RALGAPA2: variants seen among roughly 807,000 people sequenced by gnomAD.
RALGAPA2 encodes ral GTPase-activating protein subunit alpha-2.
RALGAPA2 carries 139 observed loss-of-function variants against 230.4 expected under a neutral mutation model. That is an observed-to-expected ratio of 0.60 (90% CI 0.53 to 0.69). The LOEUF is 0.69. Ranked by LOEUF, RALGAPA2 falls within the 30% of genes least tolerant of loss-of-function variation. RALGAPA2 has a pLI of 0.00. For synonymous variants in RALGAPA2, 847 were observed against 837.8 expected, an observed-to-expected ratio of 1.01 and a Z score of -0.19; for missense variants, 2,163 against 2,276.0, an observed-to-expected ratio of 0.95 and a Z score of 1.01.
At chr20:20,624,818 C>G (rs1235874901) in intron 10 of RALGAPA2, among the ~76,000 whole-genome samples, 1 of 152,162 alleles carries the variant, frequency 6.6e-6, no homozygotes, top group Non-Finnish European at 1.5e-5. Context: ...AATTCCTTCA[C>G]TTTTCCTTTA....
At chr20:20,476,904 A>G (rs1451112757) in intron 36 of RALGAPA2, among the ~76,000 whole-genome samples, 3 of 152,186 alleles carry the variant, frequency 2.0e-5, no homozygotes, top group Admixed American at 2.0e-4. Context: ...TGAACAAACC[A>G]CAACTACATG....
chr20:20,524,374 C>G, intron 30 of RALGAPA2, 32 bp downstream of exon 30: 1 of 1,612,964 alleles, frequency 6.2e-7, no homozygotes, highest in South Asian at 1.1e-5. Context: ...TAAACCCACA[C>G]TCCATTCCCC....
chr20:20,712,267 C>CAA lies in RALGAPA2; in HGVS notation c.106+107_106+108insTT. The CAA allele has an allele frequency of 5.2e-6, 4 of 768,306 alleles. No individual in the cohort carries two copies. The highest frequency in any genetic ancestry group is 3.9e-6 in the Non-Finnish European group (2 of 517,912). The allele number at this position is 768,306 out of a possible 1,614,324, so 47.6% of individuals were successfully genotyped here. On this transcript the variant is annotated intron_variant, in intron 1 of 39. Transcript: ENST00000202677. The surrounding 1 kb of genome is among the most constrained non-coding windows in gnomAD (Gnocchi z 5.5). Reference sequence around the variant, plus strand: ...CAGGGAAGGGGGTCGGACGCCCACCCATCCCCCTCCCCAGCCTCCCAGCCA... The same window carrying CAA: ...CAGGGAAGGGGGTCGGACGCCCACCCAAATCCCCCTCCCCAGCCTCCCAGCCA...
intron 9 of RALGAPA2, among the ~76,000 whole-genome samples, chr20:20,630,711 G>A (rs1489922590): frequency 6.6e-6 from 1 of 152,154 alleles, no homozygotes; most frequent in African/African-American, 2.4e-5. Flanking sequence ...GTATGGTACA[G>A]AAAGAAGAGG....
chr20:20,686,926 AG>A (rs1194102335), intron 1 of RALGAPA2, among the ~76,000 whole-genome samples: 1 of 152,164 alleles, frequency 6.6e-6, no homozygotes, highest in East Asian at 1.9e-4. Context: ...CAAGGGAGGA[AG>A]GAGCTCGTGT....
intron 24 of RALGAPA2, among the ~76,000 whole-genome samples, chr20:20,537,557 T>C (rs1367639032): frequency 6.7e-6 from 1 of 149,052 alleles, no homozygotes; most frequent in African/African-American, 2.5e-5. Context: ...GAGATGGAGG[T>C]TGCAGGTAGC....
intron 9 of RALGAPA2, among the ~76,000 whole-genome samples, chr20:20,633,768 G>A (rs1259107048): frequency 2.6e-5 from 4 of 152,152 alleles, no homozygotes; most frequent in Admixed American, 6.5e-5. Context: ...GTGAGCCACC[G>A]TGCCCAGCCT....
At chr20:20,497,703 ATC>A (rs2062249467) in intron 35 of RALGAPA2, among the ~76,000 whole-genome samples, 1 of 152,234 alleles carries the variant, frequency 6.6e-6, no homozygotes. Flanking sequence ...CTAAGTAAGT[ATC>A]TCTTAATTTT....
At chr20:20,515,196 C>A (rs992637262) in intron 31 of RALGAPA2, among the ~76,000 whole-genome samples, 1 of 152,200 alleles carries the variant, frequency 6.6e-6, no homozygotes, top group African/African-American at 2.4e-5. Context: ...TTGCCCACAG[C>A]CAGCTTTTAC....
chr20:20,488,111 G>C (rs1008144700), intron 36 of RALGAPA2, among the ~76,000 whole-genome samples: 10 of 151,986 alleles, frequency 6.6e-5, no homozygotes. Flanking sequence ...ATTTACATGG[G>C]TTTCGTCTCC....
At chr20:20,436,507 G>A (rs921509748) in intron 37 of RALGAPA2, among the ~76,000 whole-genome samples, 9 of 152,128 alleles carry the variant, frequency 5.9e-5, no homozygotes, top group African/African-American at 9.7e-5. Flanking sequence ...GTATTTAAGC[G>A]TCACGGCAAT....
chr20:20,532,504 TG>T (rs1365546335), intron 26 of RALGAPA2, among the ~76,000 whole-genome samples: 1 of 152,054 alleles, frequency 6.6e-6, no homozygotes, highest in Non-Finnish European at 1.5e-5. Flanking sequence ...ACTGAAAACC[TG>T]GGGGAATGGT....
chr20:20,568,467 T>G (rs557360650), intron 23 of RALGAPA2, among the ~76,000 whole-genome samples: 1 of 152,358 alleles, frequency 6.6e-6, no homozygotes, highest in East Asian at 1.9e-4. Context: ...CAAATGGTCA[T>G]GTCTGTTTAC....
intron 36 of RALGAPA2, among the ~76,000 whole-genome samples, chr20:20,479,046 C>T (rs895996773): frequency 1.1e-4 from 17 of 151,622 alleles, no homozygotes; most frequent in Admixed American, 3.9e-4. Flanking sequence ...GATGAAATGG[C>T]CAAATGAGAA....
At chr20:20,599,242 C>T (rs1402380417) in intron 16 of RALGAPA2, among the ~76,000 whole-genome samples, 1 of 152,102 alleles carries the variant, frequency 6.6e-6, no homozygotes, top group African/African-American at 2.4e-5. Flanking sequence ...TGACTGTATT[C>T]AAAAGCAAAT....
intron 36 of RALGAPA2, among the ~76,000 whole-genome samples, chr20:20,493,399 T>C (rs1324997974): frequency 6.6e-6 from 1 of 152,240 alleles, no homozygotes; most frequent in Non-Finnish European, 1.5e-5. Flanking sequence ...ATTCATCTTG[T>C]CAGAATTTAT....
chr20:20,420,417 C>T (rs1310503966), intron 37 of RALGAPA2, among the ~76,000 whole-genome samples: 1 of 152,190 alleles, frequency 6.6e-6, no homozygotes, highest in Non-Finnish European at 1.5e-5. Flanking sequence ...TATTTCAATA[C>T]CTTACTTATT....
chr20:20,519,499 C>A (rs781762732), intron 31 of RALGAPA2, among the ~76,000 whole-genome samples: 1 of 152,196 alleles, frequency 6.6e-6, no homozygotes, highest in South Asian at 2.1e-4. Flanking sequence ...TGTCACTGCA[C>A]AGGTCACCTG....
rs1278811008 is a variant in RALGAPA2 at position 20,683,919 on chromosome 20, C to T, written c.107-3118G>A. On this transcript the variant is annotated intron_variant, in intron 1 of 39. Transcript: ENST00000202677. Reference sequence around the variant, plus strand: ...ACCAGATGGACCCTCACACCCAAACCTTGGTAAGATTTTGCTCTAATGTAA... The same window carrying T: ...ACCAGATGGACCCTCACACCCAAACTTTGGTAAGATTTTGCTCTAATGTAA... 2.0e-5 allele frequency among the ~76,000 whole-genome samples: 3 copies of T among 152,138 alleles called. No homozygotes were observed. In the East Asian group the frequency reaches 5.8e-4, roughly 29 times the overall value.
Sources: allele counts gnomAD v4.1 joint callset (sites outside exome capture counted in the v4.1 genomes callset), GRCh38; gene constraint gnomAD v4.1.1; non-coding constraint Gnocchi (gnomAD v3.1); transcripts MANE v1.5; gene names NCBI Gene and HGNC (gene_info 2026-07-23, HGNC 2026-07-21).